Variants in CHL1 observed in about 807,000 individuals in gnomAD.
CHL1 encodes cell adhesion molecule L1 like.
A neutral mutation model predicts 141.9 loss-of-function variants in CHL1; 96 were observed. That is an observed-to-expected ratio of 0.68 (90% CI 0.57 to 0.80). The LOEUF is 0.80. Ranked by LOEUF, CHL1 falls within the 30% of genes least tolerant of loss-of-function variation. The pLI is 0.00. For missense variants in CHL1, 1,820 were observed against 1,457.2 expected (o/e 1.25, Z -4.05); for synonymous variants, 613 against 502.2 (o/e 1.22, Z -2.95).
At chr3:376,268 T>A in intron 15 of CHL1, 1 of 400,338 alleles carries the variant, frequency 2.5e-6, no homozygotes. Context: ...CGTGTGTGAT[T>A]TTCTGTGTGA....
chr3:210,622 G>A (rs890010643), intron 1 of CHL1, among the ~76,000 whole-genome samples: 2 of 152,230 alleles, frequency 1.3e-5, no homozygotes, highest in South Asian at 2.1e-4. Context: ...AGACCGTTCA[G>A]ATTCAAAGGA....
Position 371,084 on chromosome 3 carries a change from T to G in CHL1, c.1751+4969T>G, listed in dbSNP as rs561157085. On this transcript the variant is annotated intron_variant, in intron 15 of 27. Coordinates refer to ENST00000256509, the MANE Select transcript of CHL1 (RefSeq NM_006614.4). ...CTGAGAAGAATGTATATTCTGTTGATTTGGGGTGGAGAGTTCTGTAGATGT... is the reference window on the plus strand; with the variant it reads ...CTGAGAAGAATGTATATTCTGTTGAGTTGGGGTGGAGAGTTCTGTAGATGT... Among the ~76,000 whole-genome samples the G allele has an allele frequency of 9.2e-5, 14 of 152,274 alleles. 1 individual carries two copies. The South Asian group carries it at 2.3e-3, about 25-fold the overall frequency.
chr3:317,997 T>A (rs946801965), intron 2 of CHL1, among the ~76,000 whole-genome samples: 2 of 151,964 alleles, frequency 1.3e-5, no homozygotes, highest in South Asian at 2.1e-4. Flanking sequence ...GAGTCATTTT[T>A]TCCAATTCCC....
intron 13 of CHL1, among the ~76,000 whole-genome samples, chr3:362,634 A>G (rs1704390265): frequency 6.6e-6 from 1 of 152,034 alleles, no homozygotes; most frequent in African/African-American, 2.4e-5. Flanking sequence ...AAAAAAAAAA[A>G]AGAAACTCAA....
rs750168928 is a variant in CHL1 at position 349,424 on chromosome 3, A to G, written c.914A>G (p.Glu305Gly). Residue 305 changes from glutamate to glycine, a missense_variant, in exon 10 of 28, where the codon GAA becomes GGA. Transcript: ENST00000256509. ...TTACCAAAGGGGAGAGAAACAAAAG[A>G]AAATTATGGCAAGACTTTGAAGATA... The part of the protein sequence containing the change: ...GDLPKGRETK[E>G]NYGKTLKIEN... The G allele has an allele frequency of 6.2e-6, 10 of 1,614,040 alleles. No homozygotes were observed. In the Admixed American group the frequency reaches 1.2e-4, roughly 19 times the overall value.
At chr3:368,050 A>G (rs1705134283) in intron 15 of CHL1, among the ~76,000 whole-genome samples, 1 of 152,194 alleles carries the variant, frequency 6.6e-6, no homozygotes, top group Non-Finnish European at 1.5e-5. Context: ...TAGTGCTGCA[A>G]TAAACATATA....
chr3:370,363 G>A (rs140127654), intron 15 of CHL1, among the ~76,000 whole-genome samples: 88 of 152,234 alleles, frequency 5.8e-4, no homozygotes, highest in African/African-American at 1.9e-3. Flanking sequence ...ATTTCTTCTA[G>A]ATTTTCTAGT....
chr3:320,706 A>C (rs1038121447), intron 3 of CHL1, among the ~76,000 whole-genome samples: 1 of 152,056 alleles, frequency 6.6e-6, no homozygotes, highest in Admixed American at 6.6e-5. Flanking sequence ...TTTTTAAAAA[A>C]ATAAAAACTA....
intron 1 of CHL1, among the ~76,000 whole-genome samples, chr3:236,558 C>A (rs534571494): frequency 1.2e-3 from 182 of 152,314 alleles, no homozygotes; most frequent in African/African-American, 4.1e-3. Context: ...CTATTTATTT[C>A]TTTAACATAT....
chr3:335,957 G>C (rs1388187356), intron 5 of CHL1, among the ~76,000 whole-genome samples: 1 of 152,134 alleles, frequency 6.6e-6, no homozygotes, highest in African/African-American at 2.4e-5. Flanking sequence ...ATTTTTAAGT[G>C]CTTGCTCCTA....
At chr3:288,798 A>G (rs1309706246) in intron 2 of CHL1, among the ~76,000 whole-genome samples, 1 of 152,224 alleles carries the variant, frequency 6.6e-6, no homozygotes, top group Non-Finnish European at 1.5e-5. Context: ...CCATCTTTAT[A>G]TAGTGAAGAC....
intron 12 of CHL1, among the ~76,000 whole-genome samples, chr3:361,159 G>T (rs941194828): frequency 2.0e-5 from 3 of 151,582 alleles, no homozygotes; most frequent in Non-Finnish European, 4.4e-5. Context: ...GGGAAAACTG[G>T]CTAGCCATAT....
chr3:336,374 T>G (rs1209332576), intron 5 of CHL1, among the ~76,000 whole-genome samples: 1 of 151,146 alleles, frequency 6.6e-6, no homozygotes, highest in Non-Finnish European at 1.5e-5. Flanking sequence ...TTGGTTTTTG[T>G]TTTTTTCATC....
intron 16 of CHL1, among the ~76,000 whole-genome samples, chr3:378,795 C>T: frequency 6.6e-6 from 1 of 152,152 alleles, no homozygotes; most frequent in East Asian, 1.9e-4. Context: ...TCTGATGAGG[C>T]TCTAGCAGCT....
rs911994189 is a variant in CHL1, at chr3:408,872, G to A, written c.*3161G>A. ...GCATTGATATTTTAGATGCACCCGT[G>A]TTTGTAAAAATGTAGAGCACAATGG... On this transcript the variant is annotated 3_prime_UTR_variant, in exon 28 of 28. Transcript: ENST00000256509. The A allele has an allele frequency of 3.9e-5, 6 of 152,006 alleles. No homozygotes were observed. Among genetic ancestry groups the A allele is most frequent in the Non-Finnish European group, 7.4e-5 (5 of 67,958 alleles). 9.4% of individuals were successfully genotyped at this position (152,006 alleles called of 1,614,324 possible). A position where few individuals can be genotyped will look rare whatever the true frequency, so the allele number is the denominator to read the frequency against.
chr3:241,489 G>A (rs560396101), intron 1 of CHL1, among the ~76,000 whole-genome samples: 79 of 152,140 alleles, frequency 5.2e-4, no homozygotes, highest in Non-Finnish European at 9.9e-4. Flanking sequence ...CCAGCCATGG[G>A]TAGGTTGTTT....
intron 11 of CHL1, among the ~76,000 whole-genome samples, chr3:356,803 G>C (rs1353607201): frequency 6.6e-6 from 1 of 152,214 alleles, no homozygotes; most frequent in Admixed American, 6.5e-5. Context: ...TCCGCCAGCA[G>C]GGGAAGGGGC....
chr3:230,898 C>G (rs1272444109), intron 1 of CHL1, among the ~76,000 whole-genome samples: 2 of 152,038 alleles, frequency 1.3e-5, no homozygotes, highest in Admixed American at 6.6e-5. Context: ...ATTTTTGAGA[C>G]TGTTGTTATT....
intron 1 of CHL1, among the ~76,000 whole-genome samples, chr3:236,153 A>C (rs1408691655): frequency 1.3e-5 from 2 of 152,078 alleles, no homozygotes; most frequent in African/African-American, 4.8e-5. Context: ...TTGATATTCT[A>C]CTGTGATGAA....
Sources: gnomAD v4.1 joint callset for allele counts (sites outside exome capture counted in the v4.1 genomes callset) on GRCh38, gnomAD v4.1.1 for gene constraint, MANE v1.5 for transcripts, NCBI Gene and HGNC (gene_info 2026-07-23, HGNC 2026-07-21) for gene names.